Variants in PARD3 observed in about 807,000 individuals in gnomAD.
PARD3 encodes par-3 family cell polarity regulator.
Under a neutral mutation model 155.4 loss-of-function variants are expected in PARD3, and 75 were observed. That is an observed-to-expected ratio of 0.48 (90% CI 0.40 to 0.58). The LOEUF is 0.58. PARD3 is among the 20% of genes least tolerant of loss of function. PARD3 has a pLI of 0.00. For missense variants in PARD3, 1,642 were observed against 1,721.7 expected (o/e 0.95, Z 0.82); for synonymous variants, 576 against 610.5 (o/e 0.94, Z 0.83).
At chr10:34,581,523 C>T (rs1244677850) in intron 2 of PARD3, among the ~76,000 whole-genome samples, 6 of 151,668 alleles carry the variant, frequency 4.0e-5, no homozygotes, top group Admixed American at 1.3e-4. Context: ...CGTGAGCCAC[C>T]GCGCCCGGCC....
At chr10:34,256,212 C>G (rs535468599) in intron 22 of PARD3, among the ~76,000 whole-genome samples, 2 of 152,228 alleles carry the variant, frequency 1.3e-5, no homozygotes, top group Non-Finnish European at 2.9e-5. Context: ...CATTATCAAT[C>G]AATTCCAAGT....
chr10:34,182,619 A>G (rs750397388), intron 22 of PARD3, among the ~76,000 whole-genome samples: 1 of 152,004 alleles, frequency 6.6e-6, no homozygotes, highest in African/African-American at 2.4e-5. Flanking sequence ...AAAGTAACCT[A>G]TCTGTTCCAT....
intron 2 of PARD3, among the ~76,000 whole-genome samples, chr10:34,640,124 G>A (rs2092622630): frequency 6.6e-6 from 1 of 152,122 alleles, no homozygotes; most frequent in Non-Finnish European, 1.5e-5. Context: ...AAGAACAAGC[G>A]AGGCTACAGC....
intron 1 of PARD3, among the ~76,000 whole-genome samples, chr10:34,712,092 C>A (rs192965065): frequency 6.6e-6 from 1 of 152,164 alleles, no homozygotes; most frequent in Non-Finnish European, 1.5e-5. Flanking sequence ...CTTACTCATA[C>A]CCCAGAAAAA....
chr10:34,430,861 C>G (rs531590732), intron 5 of PARD3, among the ~76,000 whole-genome samples: 21 of 152,278 alleles, frequency 1.4e-4, no homozygotes, highest in Middle Eastern at 6.8e-3. Context: ...TGATTGTGGG[C>G]ATATTACACC....
chr10:34,448,892 T>C (rs986044073), intron 5 of PARD3, among the ~76,000 whole-genome samples: 1 of 151,706 alleles, frequency 6.6e-6, no homozygotes, highest in Non-Finnish European at 1.5e-5. Flanking sequence ...CAAAATTATA[T>C]CTATGTAATG....
chr10:34,707,344 A>G (rs535004167), intron 1 of PARD3, among the ~76,000 whole-genome samples: 4 of 152,266 alleles, frequency 2.6e-5, no homozygotes, highest in Non-Finnish European at 5.9e-5. Context: ...TAATCACATC[A>G]TGATTTAAAG....
chr10:34,234,786 T>C (rs897687368), intron 22 of PARD3, among the ~76,000 whole-genome samples: 5 of 152,184 alleles, frequency 3.3e-5, no homozygotes, highest in Admixed American at 3.3e-4. Context: ...ATTTGCTCAA[T>C]GAATGAATGA....
At chr10:34,462,560 C>A (rs955283982) in intron 4 of PARD3, among the ~76,000 whole-genome samples, 2 of 152,134 alleles carry the variant, frequency 1.3e-5, no homozygotes, top group Middle Eastern at 6.8e-3. Context: ...AGAAGTCAAA[C>A]TGGTGCAGGC....
At chr10:34,685,861 T>G (rs2093948356) in intron 2 of PARD3, among the ~76,000 whole-genome samples, 2 of 152,204 alleles carry the variant, frequency 1.3e-5, no homozygotes, top group Admixed American at 1.3e-4. Flanking sequence ...CCCAAACTGC[T>G]GGGATTACAG....
chr10:34,413,152 C>T (rs1488692827), intron 5 of PARD3, among the ~76,000 whole-genome samples: 2 of 93,552 alleles, frequency 2.1e-5, no homozygotes, highest in South Asian at 5.7e-4. Context: ...TATACACACA[C>T]ACACACACAC....
intron 20 of PARD3, among the ~76,000 whole-genome samples, chr10:34,304,279 C>T (rs969242331): frequency 1.1e-4 from 16 of 150,766 alleles, no homozygotes; most frequent in African/African-American, 3.7e-4. Flanking sequence ...GAGAATCACT[C>T]GAAGCCAGGA....
In PARD3 at chr10:34,783,604, C is replaced by CA. The variant is rs35411933; in HGVS notation, c.120+31271dup. Among the ~76,000 whole-genome samples the CA allele has an allele frequency of 6.8e-3, 521 of 76,212 alleles. 10 individuals carry two copies. Among genetic ancestry groups the CA allele is most frequent in the South Asian group, 0.026 (44 of 1,662 alleles). The allele number at this position is 76,212 out of a possible 152,430, so 50.0% of individuals were successfully genotyped here. A position where few individuals can be genotyped will look rare whatever the true frequency, so the allele number is the denominator to read the frequency against. On this transcript the variant is annotated intron_variant, in intron 1 of 24. Coordinates refer to ENST00000374788, the MANE Select transcript of PARD3 (RefSeq NM_001184785.2). ...GGGCGACAGAACGAGACTCCGTCTT[C>CA]AAAAAAAAAAAAAAAAAAAAAAAAA...
At chr10:34,780,053 T>C (rs573216155) in intron 1 of PARD3, among the ~76,000 whole-genome samples, 36 of 152,314 alleles carry the variant, frequency 2.4e-4, no homozygotes, top group Non-Finnish European at 4.3e-4. Context: ...TCTTCTTCTT[T>C]CCCCGGAAGA....
At chr10:34,801,083 T>C (rs191664105) in intron 1 of PARD3, among the ~76,000 whole-genome samples, 156 of 152,352 alleles carry the variant, frequency 1.0e-3, no homozygotes, top group African/African-American at 3.4e-3. Flanking sequence ...TGGAAAGTTT[T>C]TGAAAGCACC....
At chr10:34,156,886 G>T (rs893113695) in intron 22 of PARD3, among the ~76,000 whole-genome samples, 18 of 152,140 alleles carry the variant, frequency 1.2e-4, no homozygotes, top group Admixed American at 4.6e-4. Flanking sequence ...AAGAAAAAAG[G>T]TAACCATGAA....
chr10:34,766,257 G>T (rs10764004), intron 1 of PARD3, among the ~76,000 whole-genome samples: 32,738 of 152,082 alleles, frequency 0.22, 4,690 homozygotes, highest in East Asian at 0.54. Flanking sequence ...ATCCTGTATG[G>T]GGGACGTGGG....
intron 1 of PARD3, among the ~76,000 whole-genome samples, chr10:34,746,053 G>A (rs1268716188): frequency 6.6e-6 from 1 of 152,124 alleles, no homozygotes; most frequent in Non-Finnish European, 1.5e-5. Context: ...AGTGAGCCTA[G>A]ATCGCACCGC....
chr10:34,315,483 GA>G (rs1564575678), intron 20 of PARD3, among the ~76,000 whole-genome samples: 1 of 152,222 alleles, frequency 6.6e-6, no homozygotes, highest in Non-Finnish European at 1.5e-5. Context: ...CTTTCAGTAA[GA>G]CGTCAGGAGA....
Sources: allele counts gnomAD v4.1 joint callset (sites outside exome capture counted in the v4.1 genomes callset), GRCh38; gene constraint gnomAD v4.1.1; transcripts MANE v1.5; gene names NCBI Gene and HGNC (gene_info 2026-07-23, HGNC 2026-07-21).